The following GOLGA4 variants were observed in gnomAD, a reference collection of about 807,000 sequenced individuals.
GOLGA4 encodes golgin A4.
In GOLGA4, 169 loss-of-function variants were observed where a neutral mutation model predicts 265.9. The observed-to-expected ratio is 0.64, with a 90% confidence interval of 0.56 to 0.72. GOLGA4 has a LOEUF of 0.72. Among genes scored for constraint, GOLGA4 ranks in the 30% least tolerant of loss-of-function variants. GOLGA4 has a pLI of 0.00. For missense variants in GOLGA4, 2,482 were observed against 2,483.4 expected (o/e 1.00, Z 0.01); for synonymous variants, 923 against 855.8 (o/e 1.08, Z -1.37).
chr3:37,299,248 C>A, intron 8 of GOLGA4, 40 bp from the exon 9 acceptor site: 2 of 1,275,900 alleles, frequency 1.6e-6, no homozygotes, highest in South Asian at 1.2e-5. Context: ...TGAGAAGAAG[C>A]TTTATTAGAG....
At chr3:37,255,774 A>G (rs2096746906) in intron 2 of GOLGA4, among the ~76,000 whole-genome samples, 1 of 150,114 alleles carries the variant, frequency 6.7e-6, no homozygotes, top group South Asian at 2.1e-4. Flanking sequence ...GTTTTTTGAG[A>G]CAGGGTCTCA....
chr3:37,324,605 G>A lies in GOLGA4; in HGVS notation c.2719G>A (p.Val907Met), dbSNP rs552055613. 9 of 1,613,494 alleles carry A rather than the reference G, an allele frequency of 5.6e-6. No homozygotes were observed. The highest frequency in any genetic ancestry group is 1.7e-5 in the Admixed American group (1 of 59,990). ...KEQEQTKQIL[V>M]EKENMILQMR... is the part of the protein sequence containing the mutation. Reference sequence around the variant, plus strand: ...ACAGGAACAGACAAAGCAAATCTTGGTGGAAAAGGAAAATATGATTTTACA... The same window carrying A: ...ACAGGAACAGACAAAGCAAATCTTGATGGAAAAGGAAAATATGATTTTACA... Residue 907 changes from valine (V) to methionine (M), a missense_variant, in exon 14 of 24, where the codon GTG becomes ATG. By Grantham distance (21) the Val-to-Met change is conservative (BLOSUM62 1). Coordinates refer to ENST00000361924, the MANE Select transcript of GOLGA4 (RefSeq NM_002078.5).
rs1418527243 is a variant in GOLGA4, at chr3:37,283,343, G to A, written c.477+1071G>A. On this transcript the variant is annotated intron_variant, in intron 3 of 23. Transcript: ENST00000361924. ...TGTCATGAGGCACTTGTAGAATCAAGCACCTTTTTCCTTTAAATTTTTTTA... is the reference window on the plus strand; with the variant it reads ...TGTCATGAGGCACTTGTAGAATCAAACACCTTTTTCCTTTAAATTTTTTTA... Among the ~76,000 whole-genome samples the A allele has an allele frequency of 2.6e-5, 4 of 152,074 alleles. No homozygotes were observed. The East Asian group carries it at 7.7e-4, about 29-fold the overall frequency.
At chr3:37,328,567 A>G in intron 15 of GOLGA4, 30 bp downstream of exon 15, 3 of 1,584,808 alleles carry the variant, frequency 1.9e-6, no homozygotes, top group Non-Finnish European at 1.7e-6. Context: ...ATAAGGAACA[A>G]TTATATCAGC....
chr3:37,307,962 G>A (rs1177322504), intron 10 of GOLGA4, among the ~76,000 whole-genome samples: 2 of 152,144 alleles, frequency 1.3e-5, no homozygotes, highest in African/African-American at 4.8e-5. Flanking sequence ...GGCTGGGCGC[G>A]GTGGCTCACG....
chr3:37,321,887 GTAAGTTT>G lies in GOLGA4; in HGVS notation c.1701+5_1701+11del, dbSNP rs1559425103. ...GCAAGAAGCAGAGACTTACAGAACT[GTAAGTTT>G]TAATAATATTCAGATTCTGGAGTTG... On this transcript the variant is annotated splice_donor_variant and splice_donor_5th_base_variant and intron_variant, in intron 13 of 23. Transcript: ENST00000361924. LOFTEE classifies it high-confidence loss of function. 1 of 1,590,096 alleles carries G rather than the reference GTAAGTTT, an allele frequency of 6.3e-7. No individual in the cohort carries two copies. The highest frequency in any genetic ancestry group is 8.5e-7 in the Non-Finnish European group (1 of 1,172,286).
chr3:37,317,876 T>C (rs1159828504), intron 11 of GOLGA4, among the ~76,000 whole-genome samples: 1 of 152,122 alleles, frequency 6.6e-6, no homozygotes, highest in Non-Finnish European at 1.5e-5. Context: ...TTTCTCAGTT[T>C]GTTATTTGTT....
chr3:37,359,937 T>A (rs1293596762), intron 22 of GOLGA4, among the ~76,000 whole-genome samples: 1 of 152,178 alleles, frequency 6.6e-6, no homozygotes, highest in Non-Finnish European at 1.5e-5. Flanking sequence ...TTGGTTTTGA[T>A]TCTGGTGTTG....
At chr3:37,247,616 C>T (rs911236353) in intron 1 of GOLGA4, among the ~76,000 whole-genome samples, 1 of 152,060 alleles carries the variant, frequency 6.6e-6, no homozygotes, top group African/African-American at 2.4e-5. Flanking sequence ...CCTAATAACC[C>T]AGTTATTATT....
At chr3:37,293,637 T>C (rs1281277564) in intron 5 of GOLGA4, among the ~76,000 whole-genome samples, 3 of 152,148 alleles carry the variant, frequency 2.0e-5, no homozygotes, top group African/African-American at 7.2e-5. Context: ...CCTCCGGCAT[T>C]CTAAGGGAGA....
intron 16 of GOLGA4, among the ~76,000 whole-genome samples, chr3:37,330,196 CT>C (rs1036881025): frequency 2.4e-4 from 35 of 146,358 alleles, no homozygotes; most frequent in African/African-American, 4.7e-4. Flanking sequence ...TTTAGTTCTA[CT>C]TTTTTTTTTT....
Position 37,327,217 on chromosome 3 carries a change from A to C in GOLGA4, c.5331A>C (p.Leu1777Phe). Residue 1777 changes from leucine (L) to phenylalanine (F), a missense_variant, in exon 14 of 24, where the codon TTA becomes TTC. This residue lies in a region of GOLGA4 where 942 missense variants were observed against 983.1 expected (regional missense o/e 0.96). Transcript: ENST00000361924. Reference protein sequence around the residue: ...FEMRCQYQERLIKLEHAEAKQ... With the variant: ...FEMRCQYQERFIKLEHAEAKQ... Reference sequence around the variant, plus strand: ...TGCGATGCCAATACCAGGAGCGCTTAATAAAGCTAGAACATGCTGAGGCAA... The same window carrying C: ...TGCGATGCCAATACCAGGAGCGCTTCATAAAGCTAGAACATGCTGAGGCAA... 1 of 1,613,962 alleles carries C rather than the reference A, an allele frequency of 6.2e-7. No individual in the cohort carries two copies. The highest frequency in any genetic ancestry group is 1.1e-5 in the South Asian group (1 of 91,080).
intron 10 of GOLGA4, among the ~76,000 whole-genome samples, chr3:37,304,970 T>C (rs1204251689): frequency 6.6e-6 from 1 of 152,106 alleles, no homozygotes; most frequent in Non-Finnish European, 1.5e-5. Context: ...TATTATTACT[T>C]TTTTTGGGCA....
chr3:37,323,144 GAC>G, intron 13 of GOLGA4, among the ~76,000 whole-genome samples: 1 of 70,060 alleles, frequency 1.4e-5, no homozygotes, highest in Non-Finnish European at 3.0e-5. Context: ...TTTTTTCCAA[GAC>G]AGAGGAGTCT....
chr3:37,275,101 A>G (rs978363513), intron 2 of GOLGA4, among the ~76,000 whole-genome samples: 4 of 151,232 alleles, frequency 2.6e-5, no homozygotes, highest in Admixed American at 6.6e-5. Context: ...CTGTAATTCC[A>G]GCTACTCAGG....
At chr3:37,334,974 G>A in intron 16 of GOLGA4, 79 bp from the exon 17 acceptor site, 1 of 774,298 alleles carries the variant, frequency 1.3e-6, no homozygotes. Context: ...TGCCTCTCCA[G>A]AGTGCTTTTT....
chr3:37,321,666 G>A (rs2096955244), intron 12 of GOLGA4, 65 bp from the exon 13 acceptor site: 7 of 1,380,110 alleles, frequency 5.1e-6, no homozygotes, highest in Non-Finnish European at 7.0e-6. Context: ...GATTCCTGGG[G>A]AAGTACTTTG....
At chr3:37,350,839 T>C (rs1244997013) in intron 21 of GOLGA4, among the ~76,000 whole-genome samples, 1 of 152,128 alleles carries the variant, frequency 6.6e-6, no homozygotes, top group Non-Finnish European at 1.5e-5. Context: ...AAAAATACTT[T>C]ATTGCTAAAA....
In GOLGA4 at chr3:37,327,203, T is replaced by C. The variant is rs777432428; in HGVS notation, c.5317T>C (p.Tyr1773His). 3.7e-6 allele frequency: 6 copies of C among 1,613,770 alleles called. No homozygotes were observed. The South Asian group carries it at 6.6e-5, about 18-fold the overall frequency. The change falls in exon 14 of 24, where the codon TAC (tyrosine) becomes CAC (histidine). Residue 1773 changes from tyrosine to histidine, a missense_variant. By Grantham distance (83) the Tyr-to-His change is moderately conservative. Around this residue, in one of 3 missense-constraint regions of GOLGA4, gnomAD observed 942 missense variants for 983.1 expected, o/e 0.96. Coordinates refer to ENST00000361924, the MANE Select transcript of GOLGA4 (RefSeq NM_002078.5). ...TTCTCATTTTGAAATGCGATGCCAA[T>C]ACCAGGAGCGCTTAATAAAGCTAGA... is the stretch of plus-strand genomic sequence containing the variant. ...VSSHFEMRCQ[Y>H]QERLIKLEHA...
Sources: gnomAD v4.1 joint callset for allele counts (sites outside exome capture counted in the v4.1 genomes callset) on GRCh38, gnomAD v4.1.1 for gene constraint, gnomAD v4.1.1 regional missense constraint, MANE v1.5 for transcripts, NCBI Gene and HGNC (gene_info 2026-07-23, HGNC 2026-07-21) for gene names.